The following ATP10B variants were observed in gnomAD, a reference collection of about 807,000 sequenced individuals.
ATP10B encodes phospholipid-transporting ATPase VB.
In ATP10B, 122 loss-of-function variants were observed where a neutral mutation model predicts 141.2. That is an observed-to-expected ratio of 0.86 (90% CI 0.75 to 1.00). ATP10B has a LOEUF of 1.00. Among genes scored for constraint, ATP10B ranks in the 50% least tolerant of loss-of-function variants. The pLI is 0.00. For synonymous variants in ATP10B, 685 were observed against 692.0 expected, an observed-to-expected ratio of 0.99 and a Z score of 0.16; for missense variants, 1,876 against 1,825.3, an observed-to-expected ratio of 1.03 and a Z score of -0.51.
chr5:160,688,094 T>C lies in ATP10B; in HGVS notation c.-20A>G. The C allele has an allele frequency of 6.2e-7, 1 of 1,606,222 alleles. No homozygotes were observed. Among genetic ancestry groups the C allele is most frequent in the Non-Finnish European group, 8.5e-7 (1 of 1,176,232 alleles). On this transcript the variant is annotated splice_region_variant and 5_prime_UTR_variant, in exon 5 of 26. Transcript: ENST00000327245. ...GGCCATTTCCAGCAGCAGGCGAAGA[T>C]CTGAAAACAGACACAGGAGGAGCTA...
intron 3 of ATP10B, among the ~76,000 whole-genome samples, chr5:160,689,646 AT>A (rs1763957116): frequency 1.3e-5 from 2 of 152,194 alleles, no homozygotes; most frequent in Admixed American, 1.3e-4. Flanking sequence ...AGAGAATAAA[AT>A]ACCTAGGAAT....
chr5:160,767,450 G>T (rs969357155), intron 2 of ATP10B, among the ~76,000 whole-genome samples: 2 of 152,044 alleles, frequency 1.3e-5, no homozygotes, highest in African/African-American at 2.4e-5. Flanking sequence ...GAGATATTAA[G>T]CGTATTTTCT....
chr5:160,742,725 A>G (rs1467441918), intron 2 of ATP10B, among the ~76,000 whole-genome samples: 1 of 152,192 alleles, frequency 6.6e-6, no homozygotes, highest in Non-Finnish European at 1.5e-5. Flanking sequence ...AGGAAAGAAA[A>G]GAAGGGAAGA....
chr5:160,643,202 C>T (rs1168448740), intron 9 of ATP10B, among the ~76,000 whole-genome samples: 6 of 152,072 alleles, frequency 3.9e-5, no homozygotes, highest in Non-Finnish European at 7.4e-5. Context: ...TTTGACAATC[C>T]CAAAGAGTAA....
chr5:160,880,216 A>C, the ATP10B span, among the ~76,000 whole-genome samples: 12 of 54,390 alleles, frequency 2.2e-4, no homozygotes, highest in South Asian at 6.3e-4. Context: ...TAATATATAA[A>C]ATATAAATAA....
chr5:160,910,392 TAGA>T, the ATP10B span, among the ~76,000 whole-genome samples: 6 of 152,312 alleles, frequency 3.9e-5, no homozygotes, highest in East Asian at 7.7e-4. Flanking sequence ...CTCTTTCCAC[TAGA>T]AGGAGAGCTC....
intron 2 of ATP10B, among the ~76,000 whole-genome samples, chr5:160,755,497 A>G (rs1202205336): frequency 6.6e-6 from 1 of 152,030 alleles, no homozygotes; most frequent in Non-Finnish European, 1.5e-5. Flanking sequence ...ATATGATATT[A>G]TATTGTATAA....
chr5:160,770,411 T>C (rs1228821662), intron 2 of ATP10B, among the ~76,000 whole-genome samples: 1 of 146,454 alleles, frequency 6.8e-6, no homozygotes, highest in African/African-American at 2.6e-5. Context: ...GTTCTGGCCC[T>C]GGTATATTTT....
At chr5:160,812,270 C>G (rs768657382) in intron 1 of ATP10B, among the ~76,000 whole-genome samples, 6 of 152,118 alleles carry the variant, frequency 3.9e-5, no homozygotes, top group Non-Finnish European at 7.3e-5. Flanking sequence ...TTCCAAATAC[C>G]TGAAAGGCCT....
the ATP10B span, among the ~76,000 whole-genome samples, chr5:160,858,192 T>C: frequency 6.6e-6 from 1 of 151,930 alleles, no homozygotes; most frequent in African/African-American, 2.4e-5. Flanking sequence ...GTCTCCCTGG[T>C]GGATTGAGCT....
In ATP10B at chr5:160,846,693, G is replaced by A. The variant is rs59210301; in HGVS notation, c.-576+5248C>T. On this transcript the variant is annotated intron_variant, in intron 1 of 25. Transcript: ENST00000327245. ...AAATTGCTATTTTTATGTCAAAAAT[G>A]GTCAAGTATTTATAATTTCACATGG... Among the ~76,000 whole-genome samples the A allele has an allele frequency of 9.5e-3, 1,446 of 152,190 alleles. 26 individuals are homozygous for A. The highest frequency in any genetic ancestry group is 0.033 in the African/African-American group (1,375 of 41,528).
chr5:160,782,395 A>T (rs1405013523), intron 2 of ATP10B, among the ~76,000 whole-genome samples: 1 of 151,446 alleles, frequency 6.6e-6, no homozygotes, highest in Non-Finnish European at 1.5e-5. Context: ...TGGCATCAGC[A>T]AAGTTTACAT....
At chr5:160,750,213 C>G (rs1203677458) in intron 2 of ATP10B, among the ~76,000 whole-genome samples, 1 of 152,182 alleles carries the variant, frequency 6.6e-6, no homozygotes, top group African/African-American at 2.4e-5. Context: ...CTAAACATGT[C>G]ATCTTCTCAT....
At position 160,565,014 on chromosome 5, in the gene ATP10B, C is replaced by G; in HGVS notation, c.*439G>C. 5.9e-6 allele frequency: 1 copy of G among 169,054 alleles called. No homozygotes were observed. Among genetic ancestry groups the G allele is most frequent in the Non-Finnish European group, 1.3e-5 (1 of 78,102 alleles). The allele number at this position is 169,054 out of a possible 1,614,324, so 10.5% of individuals were successfully genotyped here. On this transcript the variant is annotated 3_prime_UTR_variant, in exon 26 of 26. Coordinates refer to ENST00000327245, the MANE Select transcript of ATP10B (RefSeq NM_025153.3). ...ATGAAGCCCTTATGTGCACAAGTCT[C>G]TTCTGAAACTTTAACTCTGGGCACT...
chr5:160,783,683 G>A (rs950461737), intron 2 of ATP10B, among the ~76,000 whole-genome samples: 1 of 151,230 alleles, frequency 6.6e-6, no homozygotes, highest in East Asian at 1.9e-4. Flanking sequence ...TGCAAATTGT[G>A]CTGCTATAAA....
intron 24 of ATP10B, among the ~76,000 whole-genome samples, chr5:160,587,807 C>T (rs998691433): frequency 3.9e-5 from 6 of 152,186 alleles, no homozygotes; most frequent in Non-Finnish European, 7.4e-5. Context: ...TGAAGTTGCT[C>T]ATCAGCTTAA....
chr5:160,832,865 T>C (rs1477747091), intron 1 of ATP10B, among the ~76,000 whole-genome samples: 2 of 152,118 alleles, frequency 1.3e-5, no homozygotes, highest in Non-Finnish European at 2.9e-5. Context: ...GCCCAATTTT[T>C]ATCAATCTTT....
chr5:160,804,698 A>G (rs982257553), intron 1 of ATP10B, among the ~76,000 whole-genome samples: 1 of 152,204 alleles, frequency 6.6e-6, no homozygotes, highest in Non-Finnish European at 1.5e-5. Flanking sequence ...CTCCAGATTC[A>G]GTCATTTTGA....
At chr5:160,569,439 G>A (rs1281187861) in intron 25 of ATP10B, 57 bp downstream of exon 25, 2 of 1,569,784 alleles carry the variant, frequency 1.3e-6, no homozygotes, top group Non-Finnish European at 1.7e-6. Flanking sequence ...TATAAAAATG[G>A]CTTATTAAAG....
Sources: allele counts gnomAD v4.1 joint callset (sites outside exome capture counted in the v4.1 genomes callset), GRCh38; gene constraint gnomAD v4.1.1; transcripts MANE v1.5; gene names NCBI Gene and HGNC (gene_info 2026-07-23, HGNC 2026-07-21).